Variants in PDE11A observed in about 807,000 individuals in gnomAD.
The protein encoded by PDE11A is dual 3',5'-cyclic-AMP and -GMP phosphodiesterase 11A.
PDE11A carries 100 observed loss-of-function variants against 100.5 expected under a neutral mutation model. The ratio of observed to expected loss-of-function variants is 1.00; its 90% confidence interval spans 0.85 to 1.18. The LOEUF (loss-of-function observed/expected upper bound fraction) is 1.18. Among genes scored for constraint, PDE11A ranks in the 50% most tolerant of loss-of-function variants. The pLI, the probability that PDE11A is intolerant of heterozygous loss-of-function variation, is 0.00. For synonymous variants in PDE11A, 381 were observed against 420.8 expected, an observed-to-expected ratio of 0.91 and a Z score of 1.16; for missense variants, 1,141 against 1,152.6, an observed-to-expected ratio of 0.99 and a Z score of 0.15.
rs1288937383 is a variant in PDE11A, at chr2:177,626,711, C to T, written c.*2696G>A. 5 of 152,506 alleles carry T rather than the reference C, an allele frequency of 3.3e-5. No homozygotes were observed. The highest frequency in any genetic ancestry group is 4.4e-5 in the Non-Finnish European group (3 of 68,054). 9.4% of individuals were successfully genotyped at this position (152,506 alleles called of 1,614,324 possible). On this transcript the variant is annotated 3_prime_UTR_variant, in exon 20 of 20. Transcript: ENST00000286063. ...CCCCCTCTACTTTCTCCAGTCTTCC[C>T]TGCAGAGACAGCTGTAAAGGGTAGC...
At position 177,676,549 on chromosome 2, in the gene PDE11A, A is replaced by ACAAGGCAGGGGGT. The variant is rs1188165767; in HGVS notation, c.2424-1032_2424-1031insACCCCCTGCCTTG. On this transcript the variant is annotated intron_variant, in intron 16 of 19. Transcript: ENST00000286063. ...TGGCAGGGGGGTCCCCCCACAGGAA[A>ACAAGGCAGGGGGT]CCCCTCCAGGGAACAAGGCAGGGTC... 7.9e-5 allele frequency among the ~76,000 whole-genome samples: 12 copies of ACAAGGCAGGGGGT among 151,080 alleles called. No homozygotes were observed. In the East Asian group the frequency reaches 2.3e-3, roughly 29 times the overall value.
rs564696920 is a variant in PDE11A, at chr2:177,825,240, A to G, written c.1501-4945T>C. 1.1e-3 allele frequency among the ~76,000 whole-genome samples: 168 copies of G among 152,308 alleles called. 1 individual carries two copies. Among genetic ancestry groups the G allele is most frequent in the African/African-American group, 4.0e-3 (168 of 41,578 alleles). On this transcript the variant is annotated intron_variant, in intron 6 of 19. Coordinates refer to ENST00000286063, the MANE Select transcript of PDE11A (RefSeq NM_016953.4). The stretch of plus-strand genomic sequence containing the variant: ...TGAGAAAGCAGAGCTGCAACTATTC[A>G]GAGCTGGAGTCTTGTATGAGCTGAG...
chr2:178,077,548 A>C, upstream of PDE11A, among the ~76,000 whole-genome samples: 1 of 151,758 alleles, frequency 6.6e-6, no homozygotes, highest in Non-Finnish European at 1.5e-5. Flanking sequence ...TTCTCTACCA[A>C]CCAGTATCAC....
chr2:178,095,123 C>G (rs914663481), intron 2 of PDE11A, among the ~76,000 whole-genome samples: 1 of 152,148 alleles, frequency 6.6e-6, no homozygotes, highest in African/African-American at 2.4e-5. Flanking sequence ...CCCCCAAAGT[C>G]TCAACTCATT....
intron 2 of PDE11A, chr2:177,997,184 G>A (rs2086086435): frequency 4.0e-6 from 5 of 1,240,704 alleles, no homozygotes; most frequent in Admixed American, 3.7e-5. Context: ...GAAGAATGCT[G>A]ATGTCTTATT....
chr2:178,060,937 C>CTTTT (rs71010855), intron 1 of PDE11A, among the ~76,000 whole-genome samples: 32 of 75,666 alleles, frequency 4.2e-4, no homozygotes, highest in Middle Eastern at 0.014. Flanking sequence ...TGTAAATATT[C>CTTTT]TTTTTTTTTT....
intron 1 of PDE11A, among the ~76,000 whole-genome samples, chr2:178,041,963 G>T (rs1464587684): frequency 1.3e-5 from 2 of 152,210 alleles, no homozygotes; most frequent in Non-Finnish European, 2.9e-5. Context: ...TCACACAAAA[G>T]TAATTTTCTC....
intron 4 of PDE11A, among the ~76,000 whole-genome samples, chr2:177,892,153 T>C (rs1038204471): frequency 2.6e-5 from 4 of 152,202 alleles, no homozygotes; most frequent in Non-Finnish European, 5.9e-5. Context: ...TTTGGACTGG[T>C]TTTAACGTCA....
intron 2 of PDE11A, among the ~76,000 whole-genome samples, chr2:177,932,349 A>C (rs954720571): frequency 1.3e-5 from 2 of 152,182 alleles, no homozygotes; most frequent in African/African-American, 4.8e-5. Flanking sequence ...GTAAAGACAC[A>C]ATGAAAAAAG....
intron 17 of PDE11A, among the ~76,000 whole-genome samples, chr2:177,670,766 A>T (rs534571989): frequency 4.5e-4 from 69 of 152,238 alleles, no homozygotes; most frequent in African/African-American, 1.5e-3. Context: ...TGCTAAACTC[A>T]CACACACACA....
At chr2:177,810,098 T>C (rs150100157) in intron 9 of PDE11A, among the ~76,000 whole-genome samples, 42 of 152,300 alleles carry the variant, frequency 2.8e-4, no homozygotes, top group African/African-American at 9.9e-4. Context: ...ACTCTGTATC[T>C]GTACCCATGG....
chr2:177,635,767 A>T (rs548232587), intron 19 of PDE11A, among the ~76,000 whole-genome samples: 11 of 152,180 alleles, frequency 7.2e-5, no homozygotes, highest in Admixed American at 3.3e-4. Context: ...CCCTTTTTAC[A>T]AATGGTAGTA....
intron 5 of PDE11A, among the ~76,000 whole-genome samples, chr2:177,864,606 G>A (rs181586262): frequency 4.7e-4 from 71 of 152,204 alleles, no homozygotes; most frequent in African/African-American, 1.6e-3. Flanking sequence ...TACATAATAC[G>A]TGAAAAACAA....
intron 2 of PDE11A, among the ~76,000 whole-genome samples, chr2:177,977,545 A>T (rs2105800327): frequency 9.6e-6 from 1 of 104,088 alleles, no homozygotes; most frequent in Non-Finnish European, 2.0e-5. Flanking sequence ...TGCCATCCCC[A>T]TCAAGCTACC....
intron 2 of PDE11A, among the ~76,000 whole-genome samples, chr2:177,910,578 T>C (rs2084865193): frequency 6.6e-6 from 1 of 152,138 alleles, no homozygotes; most frequent in Non-Finnish European, 1.5e-5. Flanking sequence ...AAAGCCTTAA[T>C]GACTAAGAAG....
intron 1 of PDE11A, among the ~76,000 whole-genome samples, chr2:178,045,778 C>A (rs1004561402): frequency 6.6e-6 from 1 of 152,180 alleles, no homozygotes; most frequent in Non-Finnish European, 1.5e-5. Flanking sequence ...GATCTTCGCA[C>A]AAAAATAATC....
intron 1 of PDE11A, among the ~76,000 whole-genome samples, chr2:178,041,661 T>C (rs181459695): frequency 6.6e-6 from 1 of 152,296 alleles, no homozygotes. Flanking sequence ...CCAAAAATGG[T>C]AGAAGCTAAT....
chr2:177,786,872 G>A (rs2082545148), intron 9 of PDE11A, among the ~76,000 whole-genome samples: 1 of 151,984 alleles, frequency 6.6e-6, no homozygotes, highest in Non-Finnish European at 1.5e-5. Context: ...AAGCCTCCAA[G>A]AAATATGGGA....
chr2:177,983,131 A>G (rs2085902658), intron 2 of PDE11A, among the ~76,000 whole-genome samples: 1 of 150,012 alleles, frequency 6.7e-6, no homozygotes, highest in South Asian at 2.2e-4. Flanking sequence ...AAGCAAACAT[A>G]TTTTCCCTTT....
Sources: gnomAD v4.1 joint callset for allele counts (sites outside exome capture counted in the v4.1 genomes callset) on GRCh38, gnomAD v4.1.1 for gene constraint, MANE v1.5 for transcripts, NCBI Gene and HGNC (gene_info 2026-07-23, HGNC 2026-07-21) for gene names.